Variants in NOL4 observed in about 807,000 individuals in gnomAD.
The protein encoded by NOL4 is cancer/testis antigen 125.
Under a neutral mutation model 75.9 loss-of-function variants are expected in NOL4, and 17 were observed. The ratio of observed to expected loss-of-function variants is 0.22; its 90% CI spans 0.15 to 0.34. The LOEUF is 0.34. Ranked by LOEUF, NOL4 falls within the 10% of genes least tolerant of loss-of-function variation. The probability of loss-of-function intolerance (pLI) is 1.00; values close to 1 mark genes in which losing one functional copy is unlikely to be tolerated. For synonymous variants in NOL4, 292 were observed against 289.9 expected (o/e 1.01, Z -0.07); for missense variants, 614 against 793.5 (o/e 0.77, Z 2.72).
chr18:34,213,563 C>T (rs1200585569), intron 1 of NOL4, among the ~76,000 whole-genome samples: 1 of 152,192 alleles, frequency 6.6e-6, no homozygotes, highest in Non-Finnish European at 1.5e-5. Context: ...GCTGGGATTA[C>T]AGGCATGAGC....
chr18:34,050,528 G>C (rs191418225), intron 5 of NOL4, among the ~76,000 whole-genome samples: 5 of 152,136 alleles, frequency 3.3e-5, no homozygotes, highest in Admixed American at 3.3e-4. Flanking sequence ...AGACAATATT[G>C]TTTGTAGAAA....
At chr18:34,171,234 A>C (rs1375787278) in intron 1 of NOL4, among the ~76,000 whole-genome samples, 1 of 152,112 alleles carries the variant, frequency 6.6e-6, no homozygotes, top group Non-Finnish European at 1.5e-5. Flanking sequence ...ATGTAGATTT[A>C]GGTTTTCTCA....
chr18:34,039,985 C>G (rs2076071168), intron 5 of NOL4, among the ~76,000 whole-genome samples: 1 of 151,886 alleles, frequency 6.6e-6, no homozygotes, highest in African/African-American at 2.4e-5. Flanking sequence ...TGTAAGTATT[C>G]TGAGCATCTT....
chr18:33,852,855 A>C lies in NOL4; in HGVS notation c.1904T>G (p.Leu635Ter). 6.2e-7 allele frequency: 1 copy of C among 1,612,248 alleles called. No individual in the cohort carries two copies. Among genetic ancestry groups the C allele is most frequent in the Non-Finnish European group, 8.5e-7 (1 of 1,179,050 alleles). Residue 635 changes from leucine (L) to a stop codon, truncating the protein, a stop_gained, in exon 11 of 11, where the codon TTA (leucine) becomes TGA (stop). Coordinates refer to ENST00000261592, the MANE Select transcript of NOL4 (RefSeq NM_003787.5). LOFTEE classifies it high-confidence loss of function. ...TGGTCGTCTGTCTCAGTTCTGTTGT[A>C]AAATGAGATTTTCCAGTTCATCTGC... ...RSADELENLILQQN is the reference protein window; with the variant it reads ...RSADELENLI
rs369442614 is a variant in NOL4 at position 33,952,187 on chromosome 18, T to C, written c.1428+5139A>G. 3.2e-4 allele frequency among the ~76,000 whole-genome samples: 48 copies of C among 152,316 alleles called. 1 individual carries two copies. In the South Asian group the frequency reaches 9.9e-3, roughly 32 times the overall value. ...GTGAATGTGAAGAGAACATACCCCA[T>C]GAGGCTCAGGTCAACACCTTGCTTA... On this transcript the variant is annotated intron_variant, in intron 8 of 10. Coordinates refer to ENST00000261592, the MANE Select transcript of NOL4 (RefSeq NM_003787.5).
At chr18:34,016,349 G>A (rs1448868709) in intron 6 of NOL4, among the ~76,000 whole-genome samples, 2 of 151,896 alleles carry the variant, frequency 1.3e-5, no homozygotes, top group African/African-American at 4.8e-5. Flanking sequence ...CCAAAACGTT[G>A]CCAGAATAAT....
At chr18:33,870,545 T>C (rs1363497944) in intron 10 of NOL4, among the ~76,000 whole-genome samples, 2 of 151,988 alleles carry the variant, frequency 1.3e-5, no homozygotes, top group Non-Finnish European at 2.9e-5. Context: ...GCATGAAGAA[T>C]GGCTTTTAAA....
chr18:33,980,785 C>A (rs2071888460), intron 6 of NOL4, among the ~76,000 whole-genome samples: 1 of 151,888 alleles, frequency 6.6e-6, no homozygotes, highest in African/African-American at 2.4e-5. Context: ...TCATGTATTC[C>A]TTCTAACAAA....
chr18:33,867,972 T>C (rs2063511650), intron 10 of NOL4, among the ~76,000 whole-genome samples: 1 of 152,042 alleles, frequency 6.6e-6, no homozygotes, highest in Admixed American at 6.6e-5. Flanking sequence ...TCTCAAGTCT[T>C]CAATTGATGG....
chr18:34,166,354 G>A (rs2032332614), intron 1 of NOL4, among the ~76,000 whole-genome samples: 1 of 152,060 alleles, frequency 6.6e-6, no homozygotes, highest in African/African-American at 2.4e-5. Context: ...TCTCAACAAG[G>A]TATGCCACTT....
chr18:34,028,819 G>A (rs1278996817), intron 5 of NOL4, among the ~76,000 whole-genome samples: 1 of 152,218 alleles, frequency 6.6e-6, no homozygotes, highest in Non-Finnish European at 1.5e-5. Flanking sequence ...AGCTGCAGCA[G>A]AAGTAAAAGT....
At chr18:34,158,408 A>AC (rs1352394975) in intron 1 of NOL4, among the ~76,000 whole-genome samples, 1 of 151,974 alleles carries the variant, frequency 6.6e-6, no homozygotes, top group South Asian at 2.1e-4. Flanking sequence ...TATTTAATTT[A>AC]CCCCCCACCC....
At chr18:34,179,140 A>G (rs2033816115) in intron 1 of NOL4, among the ~76,000 whole-genome samples, 1 of 151,704 alleles carries the variant, frequency 6.6e-6, no homozygotes, top group African/African-American at 2.4e-5. Context: ...CTCTGAGATG[A>G]ATGAAAATAA....
At chr18:34,158,486 A>T (rs1455634207) in intron 1 of NOL4, 2 of 152,204 alleles carry the variant, frequency 1.3e-5, no homozygotes, top group Non-Finnish European at 2.9e-5. Context: ...CCTCAAACAC[A>T]GATGGATTAG....
At chr18:34,026,732 G>T (rs541466788) in intron 5 of NOL4, among the ~76,000 whole-genome samples, 1 of 152,162 alleles carries the variant, frequency 6.6e-6, no homozygotes, top group South Asian at 2.1e-4. Flanking sequence ...TGATATACAA[G>T]ATAATTTCAC....
chr18:33,943,305 T>G, intron 8 of NOL4, 127 bp from the exon 9 acceptor site: 1 of 629,128 alleles, frequency 1.6e-6, no homozygotes, highest in South Asian at 2.0e-5. Context: ...TCAACTGAAC[T>G]TGTTTCAATA....
At chr18:34,062,611 G>T (rs1014695586) in intron 5 of NOL4, among the ~76,000 whole-genome samples, 2 of 151,858 alleles carry the variant, frequency 1.3e-5, no homozygotes, top group East Asian at 1.9e-4. Context: ...AATTTAATCT[G>T]GTTTGAATGC....
chr18:33,934,121 C>T (rs1304933558), intron 9 of NOL4, among the ~76,000 whole-genome samples: 1 of 151,980 alleles, frequency 6.6e-6, no homozygotes, highest in African/African-American at 2.4e-5. Flanking sequence ...AGTGCATTGT[C>T]AATGAGCAGC....
At chr18:34,038,555 T>C (rs2076011688) in intron 5 of NOL4, among the ~76,000 whole-genome samples, 1 of 152,076 alleles carries the variant, frequency 6.6e-6, no homozygotes, top group South Asian at 2.1e-4. Context: ...GATTTGGCCA[T>C]AACAAAGATT....
Sources: allele counts gnomAD v4.1 joint callset (sites outside exome capture counted in the v4.1 genomes callset), GRCh38; gene constraint gnomAD v4.1.1; transcripts MANE v1.5; gene names NCBI Gene and HGNC (gene_info 2026-07-23, HGNC 2026-07-21).